Variants in ZNF112 observed in about 807,000 individuals in gnomAD.
ZNF112 encodes zinc finger protein 112.
A neutral mutation model predicts 77.7 loss-of-function variants in ZNF112; 37 were observed. That is an observed-to-expected ratio of 0.48 (90% CI 0.37 to 0.63). ZNF112 has a LOEUF of 0.63. ZNF112 is among the 20% of genes least tolerant of loss of function. The pLI is 0.00. For synonymous variants in ZNF112, 333 were observed against 363.6 expected (o/e 0.92, Z 0.96); for missense variants, 950 against 1,077.4 (o/e 0.88, Z 1.66).
At chr19:44,335,619 A>G (rs1342326066) in intron 3 of ZNF112, among the ~76,000 whole-genome samples, 2 of 152,158 alleles carry the variant, frequency 1.3e-5, no homozygotes, top group South Asian at 4.1e-4. Flanking sequence ...CTACATTTTT[A>G]AAGTGGTGTA....
At chr19:44,355,760 C>T (rs1450941983) in intron 1 of ZNF112, among the ~76,000 whole-genome samples, 3 of 152,202 alleles carry the variant, frequency 2.0e-5, no homozygotes, top group Non-Finnish European at 4.4e-5. Flanking sequence ...TAAATACTAT[C>T]TTTATTACTC....
At chr19:44,352,300 T>C (rs1056511377) in intron 1 of ZNF112, among the ~76,000 whole-genome samples, 1 of 152,168 alleles carries the variant, frequency 6.6e-6, no homozygotes, top group African/African-American at 2.4e-5. Flanking sequence ...TGTCAAACTT[T>C]TAAGTGCACA....
At chr19:44,359,426 C>A (rs1345905926), upstream of ZNF112, among the ~76,000 whole-genome samples, 1 of 142,186 alleles carries the variant, frequency 7.0e-6, no homozygotes, top group African/African-American at 2.6e-5. Context: ...CGGCTTCAAG[C>A]AATTCTCCTG....
intron 1 of ZNF112, among the ~76,000 whole-genome samples, chr19:44,346,869 T>A (rs943088737): frequency 1.3e-5 from 2 of 152,134 alleles, no homozygotes; most frequent in African/African-American, 4.8e-5. Context: ...ACAGAAACAA[T>A]CAAACCTGAA....
At chr19:44,331,178 G>A (rs571604025) in intron 3 of ZNF112, among the ~76,000 whole-genome samples, 3 of 152,206 alleles carry the variant, frequency 2.0e-5, no homozygotes, top group East Asian at 3.9e-4. Flanking sequence ...AATTATCAAC[G>A]GCCATGGTGT....
At position 44,328,492 on chromosome 19, in the gene ZNF112, T is replaced by C; in HGVS notation, c.1665A>G (p.Gly555=). Residue 555 remains glycine, a synonymous_variant, in exon 4 of 4, where the codon GGA becomes GGG. Coordinates refer to ENST00000354340, the MANE Select transcript of ZNF112 (RefSeq NM_013380.4). ...KPYKCEECDK[G]FSRSSYLQAH... is the part of the protein sequence containing the mutation. ...CTTGAAGATATGAACTCCGACTGAA[T>C]CCCTTATCACATTCCTCGCATTTAT... The C allele has an allele frequency of 6.2e-7, 1 of 1,611,472 alleles. No homozygotes were observed. Among genetic ancestry groups the C allele is most frequent in the Non-Finnish European group, 8.5e-7 (1 of 1,178,564 alleles).
intron 1 of ZNF112, among the ~76,000 whole-genome samples, chr19:44,351,346 T>C (rs2196184): frequency 0.42 from 63,838 of 151,984 alleles, 15,190 homozygotes; most frequent in South Asian, 0.58. Context: ...TGGACATCTT[T>C]AGGGAGCCAC....
upstream of ZNF112, among the ~76,000 whole-genome samples, chr19:44,356,913 C>T (rs2123221055): frequency 6.6e-6 from 1 of 152,340 alleles, no homozygotes; most frequent in Admixed American, 6.5e-5. Context: ...AATTCCTTAA[C>T]TCCCCCTTCC....
At chr19:44,333,341 G>A (rs549671456) in intron 3 of ZNF112, among the ~76,000 whole-genome samples, 7 of 152,294 alleles carry the variant, frequency 4.6e-5, no homozygotes, top group Admixed American at 1.3e-4. Flanking sequence ...ATCACCTTCC[G>A]TTCTTACTTC....
intron 2 of ZNF112, 27 bp downstream of exon 2, chr19:44,340,389 T>C (rs1249813347): frequency 1.1e-5 from 18 of 1,609,922 alleles, no homozygotes; most frequent in Non-Finnish European, 1.0e-5. Context: ...AGGCTGCCAT[T>C]GAGTAACTAA....
At chr19:44,346,192 A>G (rs897594010) in intron 1 of ZNF112, among the ~76,000 whole-genome samples, 1 of 152,236 alleles carries the variant, frequency 6.6e-6, no homozygotes, top group Non-Finnish European at 1.5e-5. Flanking sequence ...CCCAGGCTAC[A>G]GAATCAAGCT....
chr19:44,356,731 G>C (rs1378183521), upstream of ZNF112: 1 of 152,016 alleles, frequency 6.6e-6, no homozygotes, highest in Non-Finnish European at 1.5e-5. Flanking sequence ...GACGGGATCA[G>C]GGAGACGGCC....
chr19:44,339,929 A>G (rs1312842961), intron 2 of ZNF112, among the ~76,000 whole-genome samples: 1 of 152,154 alleles, frequency 6.6e-6, no homozygotes, highest in Non-Finnish European at 1.5e-5. Context: ...ATTTTTTCAT[A>G]TACATACATA....
intron 1 of ZNF112, among the ~76,000 whole-genome samples, chr19:44,341,333 T>G (rs1970485914): frequency 6.6e-6 from 1 of 152,214 alleles, no homozygotes; most frequent in African/African-American, 2.4e-5. Context: ...ATACGAACAA[T>G]GTTGCAAAAA....
At chr19:44,339,479 C>T (rs151235847) in intron 2 of ZNF112, among the ~76,000 whole-genome samples, 6 of 152,282 alleles carry the variant, frequency 3.9e-5, no homozygotes, top group Admixed American at 1.3e-4. Flanking sequence ...CTCTGGACAC[C>T]AAGGCTCAAA....
chr19:44,348,478 G>A (rs1396421417), intron 1 of ZNF112, among the ~76,000 whole-genome samples: 6 of 151,914 alleles, frequency 3.9e-5, no homozygotes, highest in Admixed American at 2.0e-4. Flanking sequence ...TGAGCCCATC[G>A]AATAATTTTT....
At position 44,333,369 on chromosome 19, in the gene ZNF112, A is replaced by G. The variant is rs147011412; in HGVS notation, c.220+3254T>C. On this transcript the variant is annotated intron_variant, in intron 3 of 3. Transcript: ENST00000354340. ...CTTACTTCGCTTTTAGATAGAGACA[A>G]TACAAGGTATAGTGGTGACAATGTT... 3.9e-5 allele frequency among the ~76,000 whole-genome samples: 6 copies of G among 152,304 alleles called. No individual in the cohort carries two copies. In the East Asian group the frequency reaches 1.2e-3, roughly 29 times the overall value.
At chr19:44,363,712 T>G (rs1342728244) in intron 1 of ZNF112, among the ~76,000 whole-genome samples, 5 of 152,240 alleles carry the variant, frequency 3.3e-5, no homozygotes, top group Non-Finnish European at 7.3e-5. Context: ...TGAATAAAGA[T>G]CCTGCAGCAT....
At position 44,365,875 on chromosome 19, in the gene ZNF112, C is replaced by T. The variant is rs554576375; in HGVS notation, c.17+1206G>A. ...AGCTGCCACAAAACTTCACTCTATC[C>T]TCTCCAGGACCCAGCTGGGCTCAAG... On this transcript the variant is annotated intron_variant, in intron 1 of 4. Transcript: ENST00000588057. Among the ~76,000 whole-genome samples, 708 of 152,224 alleles carry T rather than the reference C, an allele frequency of 4.7e-3. 5 individuals carry two copies. The highest frequency in any genetic ancestry group is 6.7e-3 in the Non-Finnish European group (455 of 68,006).
Sources: allele counts gnomAD v4.1 joint callset (sites outside exome capture counted in the v4.1 genomes callset), GRCh38; gene constraint gnomAD v4.1.1; transcripts MANE v1.5; gene names NCBI Gene and HGNC (gene_info 2026-07-23, HGNC 2026-07-21).